Variants in STOX2 observed in about 807,000 individuals in gnomAD.
The protein encoded by STOX2 is storkhead-box protein 2.
Under a neutral mutation model 60.9 loss-of-function variants are expected in STOX2, and 28 were observed. That is an observed-to-expected ratio of 0.46 (90% CI 0.34 to 0.63). The LOEUF (loss-of-function observed/expected upper bound fraction) is 0.63. Among genes scored for constraint, STOX2 ranks in the 30% least tolerant of loss-of-function variants. The pLI is 0.01. For missense variants in STOX2, 1,024 were observed against 1,187.7 expected (o/e 0.86, Z 2.03); for synonymous variants, 472 against 463.9 (o/e 1.02, Z -0.22).
intron 1 of STOX2, among the ~76,000 whole-genome samples, chr4:183,911,925 A>T (rs1741792908): frequency 1.3e-5 from 2 of 152,220 alleles, no homozygotes; most frequent in Admixed American, 6.5e-5. Flanking sequence ...GAGTATAGAT[A>T]TAGTCTACTC....
chr4:183,813,395 G>GA (rs371051277), intron 1 of STOX2, among the ~76,000 whole-genome samples: 2,082 of 152,090 alleles, frequency 0.014, 56 homozygotes, highest in African/African-American at 0.048. Context: ...AAAGAAAAAA[G>GA]AAAAAACAGC....
intron 1 of STOX2, among the ~76,000 whole-genome samples, chr4:183,862,834 T>C (rs961253393): frequency 9.9e-5 from 15 of 152,200 alleles, no homozygotes; most frequent in African/African-American, 3.1e-4. Context: ...ACTTGGACAG[T>C]GTGGTTTCCT....
At chr4:183,994,733 CT>C (rs980205756) in intron 1 of STOX2, among the ~76,000 whole-genome samples, 2 of 152,102 alleles carry the variant, frequency 1.3e-5, no homozygotes, top group Admixed American at 6.6e-5. Context: ...CTCTTGAATG[CT>C]TTTTTTATAT....
At chr4:183,880,130 C>A (rs1165846488) in intron 1 of STOX2, among the ~76,000 whole-genome samples, 2 of 152,110 alleles carry the variant, frequency 1.3e-5, no homozygotes, top group Non-Finnish European at 2.9e-5. Flanking sequence ...AGGCATGCAC[C>A]ACCATGCCCA....
chr4:183,909,799 C>T lies in STOX2; in HGVS notation c.166+2843C>T, dbSNP rs115652491. Among the ~76,000 whole-genome samples the T allele has an allele frequency of 5.3e-3, 814 of 152,248 alleles. 2 individuals carry two copies. The highest frequency in any genetic ancestry group is 7.8e-3 in the Non-Finnish European group (530 of 68,024). ...ACCATTTCAAACAGTCTTTTCTCCACGAATAAGTAATTACCAGTGTGAAAT... is the reference window on the plus strand; with the variant it reads ...ACCATTTCAAACAGTCTTTTCTCCATGAATAAGTAATTACCAGTGTGAAAT... On this transcript the variant is annotated intron_variant, in intron 1 of 3. Coordinates refer to ENST00000308497, the MANE Select transcript of STOX2 (RefSeq NM_020225.3).
intron 2 of STOX2, among the ~76,000 whole-genome samples, chr4:184,003,124 C>T (rs1304064461): frequency 6.6e-6 from 1 of 152,232 alleles, no homozygotes; most frequent in Non-Finnish European, 1.5e-5. Flanking sequence ...TGTTGCCAAA[C>T]ACAGTGGTCT....
At chr4:183,986,946 C>T (rs1254738091) in intron 1 of STOX2, among the ~76,000 whole-genome samples, 5 of 152,328 alleles carry the variant, frequency 3.3e-5, no homozygotes, top group Non-Finnish European at 7.4e-5. Context: ...CATTTCCCAT[C>T]TTTGCTGGCA....
chr4:183,963,798 C>T (rs547216604), intron 1 of STOX2, among the ~76,000 whole-genome samples: 392 of 144,040 alleles, frequency 2.7e-3, no homozygotes, highest in Admixed American at 7.2e-3. Flanking sequence ...TTTTTTGAGA[C>T]GGAGTCTCGC....
chr4:184,004,720 C>T (rs1733753757), intron 2 of STOX2, among the ~76,000 whole-genome samples: 1 of 152,234 alleles, frequency 6.6e-6, no homozygotes, highest in Non-Finnish European at 1.5e-5. Flanking sequence ...CAACTTTTAT[C>T]TATCAATTTC....
intron 1 of STOX2, among the ~76,000 whole-genome samples, chr4:183,883,403 T>C (rs1741001368): frequency 6.6e-6 from 1 of 151,294 alleles, no homozygotes; most frequent in Admixed American, 6.6e-5. Context: ...CACTGCAAGC[T>C]CCGCCTCCCA....
chr4:183,992,851 G>A (rs1733169799), intron 1 of STOX2, among the ~76,000 whole-genome samples: 2 of 152,242 alleles, frequency 1.3e-5, no homozygotes, highest in African/African-American at 4.8e-5. Flanking sequence ...CCGTGTGAAA[G>A]CATTCGGCTA....
chr4:183,868,686 C>T (rs62340397), intron 1 of STOX2, among the ~76,000 whole-genome samples: 19,062 of 152,212 alleles, frequency 0.13, 1,394 homozygotes, highest in African/African-American at 0.19. Context: ...AGTTTTTCTC[C>T]TGAGTGCAAC....
rs553168698 is a variant in STOX2 at position 183,806,979 on chromosome 4, T to C, written c.364+8924T>C. ...GATGCTTTCTGACACTTTCTTTTTT[T>C]CTTTTTTTTTTGAGACGGAGTCTTG... On this transcript the variant is annotated intron_variant, in intron 1 of 2. Transcript: ENST00000513034. This position sits in a 1 kb window ranked among gnomAD's most constrained non-coding sequence, Gnocchi z 4.1. Among the ~76,000 whole-genome samples, 19 of 2,286 alleles carry C rather than the reference T, an allele frequency of 8.3e-3. No individual in the cohort carries two copies. Among genetic ancestry groups the C allele is most frequent in the African/African-American group, 0.011 (19 of 1,790 alleles). The allele number at this position is 2,286 out of a possible 152,430, so 1.5% of individuals were successfully genotyped here.
At chr4:183,818,918 G>A (rs552996078) in intron 1 of STOX2, among the ~76,000 whole-genome samples, 19 of 152,222 alleles carry the variant, frequency 1.2e-4, no homozygotes, top group African/African-American at 3.6e-4. Flanking sequence ...GATGGCGGCC[G>A]GGAAGAGGCG....
At chr4:183,935,237 G>A (rs1014131830) in intron 1 of STOX2, among the ~76,000 whole-genome samples, 1 of 152,212 alleles carries the variant, frequency 6.6e-6, no homozygotes, top group Non-Finnish European at 1.5e-5. Context: ...CACCCCATGC[G>A]TGCCCTGGAA....
chr4:183,816,419 T>C (rs1477723561), intron 1 of STOX2, among the ~76,000 whole-genome samples: 1 of 152,208 alleles, frequency 6.6e-6, no homozygotes, highest in East Asian at 1.9e-4. Context: ...ATATCATATG[T>C]TCTCACTTAT....
At chr4:183,924,184 C>A (rs770299152) in intron 1 of STOX2, among the ~76,000 whole-genome samples, 22 of 152,200 alleles carry the variant, frequency 1.4e-4, no homozygotes, top group Non-Finnish European at 2.6e-4. Context: ...CTTCAGCAAA[C>A]CAGCGTTGCC....
chr4:183,907,322 G>A (rs559920068), intron 1 of STOX2, among the ~76,000 whole-genome samples: 94 of 152,328 alleles, frequency 6.2e-4, no homozygotes, highest in African/African-American at 2.1e-3. Context: ...ATTGTGGCCG[G>A]TTATCTGAGT....
intron 1 of STOX2, among the ~76,000 whole-genome samples, chr4:183,922,350 CT>C (rs578015913): frequency 0.16 from 22,147 of 142,600 alleles, 1,897 homozygotes; most frequent in African/African-American, 0.26. Context: ...ACCATCTTAA[CT>C]TTTTTTTTTT....
Sources: gnomAD v4.1 joint callset for allele counts (sites outside exome capture counted in the v4.1 genomes callset) on GRCh38, gnomAD v4.1.1 for gene constraint, Gnocchi (gnomAD v3.1) non-coding constraint, MANE v1.5 for transcripts, NCBI Gene and HGNC (gene_info 2026-07-23, HGNC 2026-07-21) for gene names.